The following HIVEP3 variants were observed in gnomAD, a reference collection of about 807,000 sequenced individuals.
The protein encoded by HIVEP3 is transcription factor HIVEP3.
Under a neutral mutation model 152.8 loss-of-function variants are expected in HIVEP3, and 49 were observed. That is an observed-to-expected ratio of 0.32 (90% confidence interval 0.26 to 0.41). The LOEUF (loss-of-function observed/expected upper bound fraction) is 0.41, where lower values mean the gene tolerates loss of function less well. HIVEP3 is among the 10% of genes least tolerant of loss of function. The pLI is 1.00. For missense variants in HIVEP3, 2,790 were observed against 3,103.3 expected (o/e 0.90, Z 2.40); for synonymous variants, 1,269 against 1,289.0 (o/e 0.98, Z 0.33).
rs778227297 is a variant in HIVEP3 at position 41,575,572 on chromosome 1, G to C, written c.5179C>G (p.Pro1727Ala). The change falls in exon 5 of 9, where the codon CCG becomes GCG. Residue 1727 changes from proline (P) to alanine (A), a missense_variant. Around this residue, in one of 9 missense-constraint regions of HIVEP3, gnomAD observed 1,078 missense variants for 1,165.3 expected, o/e 0.93. Transcript: ENST00000372583. ...EDAPASQRGE[P>A]ARIKIFEGGY... ...CCTTCGAAGATTTTGATCCTCGCCG[G>C]CTCCCCTCTCTGGGAGGCAGGAGCA... The C allele has an allele frequency of 6.2e-7, 1 of 1,614,062 alleles. No individual in the cohort carries two copies. The highest frequency in any genetic ancestry group is 8.5e-7 in the Non-Finnish European group (1 of 1,180,004).
At chr1:41,632,756 A>G (rs1645213655) in intron 2 of HIVEP3, among the ~76,000 whole-genome samples, 2 of 151,732 alleles carry the variant, frequency 1.3e-5, no homozygotes, top group Non-Finnish European at 2.9e-5. Context: ...ACTCCAACTC[A>G]AAGAAAAAAA....
intron 5 of HIVEP3, among the ~76,000 whole-genome samples, chr1:41,545,386 C>CCAA (rs1473723802): frequency 1.7e-5 from 1 of 59,398 alleles, no homozygotes; most frequent in African/African-American, 8.1e-5. Context: ...ACTACCACCA[C>CCAA]CACCAATACC....
At chr1:41,739,364 G>A (rs1287855912) in intron 1 of HIVEP3, among the ~76,000 whole-genome samples, 1 of 152,158 alleles carries the variant, frequency 6.6e-6, no homozygotes, top group Non-Finnish European at 1.5e-5. Context: ...GGCAGCCGTA[G>A]GCCTAACTTG....
At chr1:41,721,510 C>T (rs535949189) in intron 1 of HIVEP3, among the ~76,000 whole-genome samples, 1 of 152,134 alleles carries the variant, frequency 6.6e-6, no homozygotes, top group Non-Finnish European at 1.5e-5. Context: ...CTGACCCTTA[C>T]TGCAATTTTT....
chr1:41,515,381 C>T (rs566874198), intron 7 of HIVEP3, among the ~76,000 whole-genome samples: 1 of 152,254 alleles, frequency 6.6e-6, no homozygotes, highest in South Asian at 2.1e-4. Flanking sequence ...AAAGGAGGCC[C>T]CTGAGGCTAG....
At chr1:41,772,752 A>C (rs963140257) in intron 1 of HIVEP3, among the ~76,000 whole-genome samples, 1 of 152,158 alleles carries the variant, frequency 6.6e-6, no homozygotes, top group Admixed American at 6.5e-5. Context: ...TCTACTAAAA[A>C]TACAAAAATT....
chr1:41,531,241 T>G (rs556249748), intron 5 of HIVEP3, among the ~76,000 whole-genome samples: 11 of 75,078 alleles, frequency 1.5e-4, no homozygotes, highest in South Asian at 1.4e-3. Context: ...ACAGGAGAGA[T>G]GGAGGACAGG....
chr1:41,569,493 G>A (rs974035304), intron 5 of HIVEP3, among the ~76,000 whole-genome samples: 11 of 151,946 alleles, frequency 7.2e-5, no homozygotes, highest in Non-Finnish European at 1.0e-4. Context: ...AATACACAGA[G>A]GTAACACATA....
At chr1:42,016,441 T>C (rs1256809524) in intron 1 of HIVEP3, among the ~76,000 whole-genome samples, 1 of 152,056 alleles carries the variant, frequency 6.6e-6, no homozygotes, top group East Asian at 1.9e-4. Context: ...CAACATACAC[T>C]CATTGTAGGG....
intron 1 of HIVEP3, among the ~76,000 whole-genome samples, chr1:41,863,994 A>T (rs1376842193): frequency 6.6e-6 from 1 of 152,110 alleles, no homozygotes; most frequent in Non-Finnish European, 1.5e-5. Flanking sequence ...CCCCTAAATC[A>T]TCCATCCTGG....
At chr1:41,620,986 G>A (rs985485757) in intron 3 of HIVEP3, among the ~76,000 whole-genome samples, 1 of 152,168 alleles carries the variant, frequency 6.6e-6, no homozygotes, top group South Asian at 2.1e-4. Context: ...TCCATAACTG[G>A]TCAGCCCCAC....
intron 1 of HIVEP3, among the ~76,000 whole-genome samples, chr1:41,839,371 T>C (rs1643218817): frequency 6.6e-6 from 1 of 152,196 alleles, no homozygotes; most frequent in South Asian, 2.1e-4. Flanking sequence ...TGGGGTTCCT[T>C]CTGGTTCTAA....
At chr1:41,990,530 A>T (rs1645353815) in intron 1 of HIVEP3, among the ~76,000 whole-genome samples, 1 of 140,912 alleles carries the variant, frequency 7.1e-6, no homozygotes, top group Non-Finnish European at 1.5e-5. Context: ...AAAGAGACTT[A>T]GACTCCCACA....
intron 3 of HIVEP3, among the ~76,000 whole-genome samples, chr1:41,609,904 TAGACA>T (rs1226678134): frequency 6.6e-6 from 1 of 152,272 alleles, no homozygotes; most frequent in African/African-American, 2.4e-5. Context: ...AGGCATTTTT[TAGACA>T]AGATTAACAT....
chr1:41,922,425 A>G (rs1327305432), upstream of HIVEP3, among the ~76,000 whole-genome samples: 1 of 152,218 alleles, frequency 6.6e-6, no homozygotes, highest in Non-Finnish European at 1.5e-5. Flanking sequence ...GTATGTTCAA[A>G]GACACAGAAA....
Position 41,580,267 on chromosome 1 carries a change from C to T in HIVEP3, c.4531G>A (p.Glu1511Lys), listed in dbSNP as rs747134286. Residue 1511 changes from glutamate to lysine, a missense_variant, in exon 4 of 9, where the codon GAA becomes AAA. Transcript: ENST00000372583. Reference protein sequence around the residue: ...SLSSDPSDTKEIPPLPHPALS... With the variant: ...SLSSDPSDTKKIPPLPHPALS... Reference sequence around the variant, plus strand: ...GCAGGGTGAGGGAGGGGAGGAATTTCCTTTGTGTCAGATGGATCTGAGGAC... The same window carrying T: ...GCAGGGTGAGGGAGGGGAGGAATTTTCTTTGTGTCAGATGGATCTGAGGAC... 1 of 1,613,882 alleles carries T rather than the reference C, an allele frequency of 6.2e-7. No individual in the cohort carries two copies. The highest frequency in any genetic ancestry group is 8.5e-7 in the Non-Finnish European group (1 of 1,179,878).
Position 41,897,938 on chromosome 1 carries a change from G to GGAGAGA in HIVEP3, c.-801+20469_-801+20474dup, listed in dbSNP as rs71065103. ...GTAGAAGGAAAGACCTGAGAGAGAG[G>GGAGAGA]GAGAGAGAGAGAGAGAGAGAGAGAG... On this transcript the variant is annotated intron_variant, in intron 1 of 8. Transcript: ENST00000372583. 4.2e-3 allele frequency among the ~76,000 whole-genome samples: 548 copies of GGAGAGA among 129,998 alleles called. 6 individuals are homozygous for GGAGAGA. The highest frequency in any genetic ancestry group is 6.2e-3 in the South Asian group (24 of 3,900). 85.3% of individuals were successfully genotyped at this position (129,998 alleles called of 152,430 possible).
chr1:42,012,677 G>A (rs1251601525), intron 1 of HIVEP3, among the ~76,000 whole-genome samples: 3 of 143,048 alleles, frequency 2.1e-5, no homozygotes, highest in Non-Finnish European at 4.6e-5. Context: ...GAGACAGGGC[G>A]AGACTCCCTC....
intron 1 of HIVEP3, among the ~76,000 whole-genome samples, chr1:41,997,787 C>T (rs968389522): frequency 1.3e-5 from 2 of 152,250 alleles, no homozygotes; most frequent in African/African-American, 4.8e-5. Flanking sequence ...GTTTCCCATG[C>T]TGTTTGAATT....
Sources: gnomAD v4.1 joint callset for allele counts (sites outside exome capture counted in the v4.1 genomes callset) on GRCh38, gnomAD v4.1.1 for gene constraint, gnomAD v4.1.1 regional missense constraint, MANE v1.5 for transcripts, NCBI Gene and HGNC (gene_info 2026-07-23, HGNC 2026-07-21) for gene names.